Variants in TJP2 observed in about 807,000 individuals in gnomAD.
TJP2 encodes tight junction protein 2, also known as Friedreich ataxia region gene X104 (tight junction protein ZO-2).
TJP2 carries 91 observed loss-of-function variants against 133.1 expected under a neutral mutation model. The ratio of observed to expected loss-of-function variants is 0.68; its 90% confidence interval spans 0.58 to 0.81. The LOEUF (loss-of-function observed/expected upper bound fraction) is 0.81. Ranked by LOEUF, TJP2 falls within the 40% of genes least tolerant of loss-of-function variation. The pLI is 0.00. For missense variants in TJP2, 1,541 were observed against 1,565.6 expected (o/e 0.98, Z 0.26); for synonymous variants, 592 against 583.4 (o/e 1.01, Z -0.21).
intron 1 of TJP2, among the ~76,000 whole-genome samples, chr9:69,130,738 CGAATTGAG>C (rs558825488): frequency 2.5e-3 from 375 of 151,972 alleles, no homozygotes; most frequent in African/African-American, 8.6e-3. Flanking sequence ...GTGCTGAGGA[CGAATTGAG>C]GAATACTGTG....
chr9:69,241,392 G>GATCA (rs1830567470), intron 17 of TJP2, among the ~76,000 whole-genome samples: 3 of 152,164 alleles, frequency 2.0e-5, no homozygotes, highest in Admixed American at 1.3e-4. Context: ...ATAGCTCATT[G>GATCA]AGTTCATTGC....
At chr9:69,217,405 G>T (rs1008208382) in intron 3 of TJP2, among the ~76,000 whole-genome samples, 2 of 152,200 alleles carry the variant, frequency 1.3e-5, no homozygotes, top group African/African-American at 4.8e-5. Context: ...TTTAGGTTTT[G>T]TTGGTGTTTA....
At chr9:69,249,310 C>T (rs1313041709) in intron 19 of TJP2, 65 bp from the exon 20 acceptor site, 3 of 1,553,228 alleles carry the variant, frequency 1.9e-6, no homozygotes, top group Non-Finnish European at 2.6e-6. Flanking sequence ...TCCTCCAAAG[C>T]AGTCGAGTGC....
intron 1 of TJP2, among the ~76,000 whole-genome samples, chr9:69,134,331 A>G (rs1390962416): frequency 6.6e-6 from 1 of 152,216 alleles, no homozygotes; most frequent in African/African-American, 2.4e-5. Context: ...GTAAACATAA[A>G]TATAACAATT....
At chr9:69,230,700 T>C (rs1829707503) in intron 11 of TJP2, among the ~76,000 whole-genome samples, 1 of 152,180 alleles carries the variant, frequency 6.6e-6, no homozygotes, top group Admixed American at 6.5e-5. Context: ...TGGTTCACCC[T>C]GAGACTCAGG....
chr9:69,134,455 G>A (rs1265824919), intron 1 of TJP2, among the ~76,000 whole-genome samples: 2 of 152,220 alleles, frequency 1.3e-5, no homozygotes, highest in African/African-American at 4.8e-5. Context: ...GCTGTTGTCT[G>A]GAGTGTGAGT....
At chr9:69,223,289 C>CTGTTTTGTTT (rs10594219) in intron 5 of TJP2, among the ~76,000 whole-genome samples, 21 of 150,126 alleles carry the variant, frequency 1.4e-4, no homozygotes, top group South Asian at 4.2e-4. Context: ...GGCTTCGTTT[C>CTGTTTTGTTT]TGTTTTGTTT....
chr9:69,249,865 T>A (rs1260753636), intron 20 of TJP2: 16 of 470,648 alleles, frequency 3.4e-5, no homozygotes, highest in Non-Finnish European at 4.4e-5. Flanking sequence ...CTGATTTAGA[T>A]GCACCAGATA....
At chr9:69,226,944 C>G (rs1563933439) in intron 7 of TJP2, among the ~76,000 whole-genome samples, 1 of 152,190 alleles carries the variant, frequency 6.6e-6, no homozygotes, top group Non-Finnish European at 1.5e-5. Flanking sequence ...CACCTCTTCC[C>G]TTTTAAAGAG....
intron 1 of TJP2, chr9:69,205,121 G>C: frequency 6.5e-7 from 1 of 1,536,406 alleles, no homozygotes; most frequent in Non-Finnish European, 8.7e-7. Flanking sequence ...TGAGCAGCCC[G>C]GAATGTAGGC....
Position 69,248,239 on chromosome 9 carries a change from G to T in TJP2, c.2880+15G>T, listed in dbSNP as rs1440961588. The T allele has an allele frequency of 1.3e-5, 20 of 1,574,740 alleles. No homozygotes were observed. The highest frequency in any genetic ancestry group is 3.7e-5 in the Admixed American group (2 of 53,376). On this transcript the variant is annotated intron_variant, in intron 19 of 22. Transcript: ENST00000377245. ...AGCACGAGGAGGTGAGGCGAGGCAGGCCACGGGCAGGAACAGGAGAGCCTG... is the reference window on the plus strand; with the variant it reads ...AGCACGAGGAGGTGAGGCGAGGCAGTCCACGGGCAGGAACAGGAGAGCCTG...
At chr9:69,165,653 AG>A (rs1446401772) in intron 2 of TJP2, among the ~76,000 whole-genome samples, 2 of 152,196 alleles carry the variant, frequency 1.3e-5, no homozygotes, top group Non-Finnish European at 2.9e-5. Context: ...AGGGCTAACA[AG>A]GGGTCTCTAT....
At position 69,137,535 on chromosome 9, in the gene TJP2, G is replaced by A. The variant is rs1822832101; in HGVS notation, c.-130-14116G>A. 3.3e-5 allele frequency among the ~76,000 whole-genome samples: 5 copies of A among 151,406 alleles called. No individual in the cohort carries two copies. In the South Asian group the frequency reaches 1.0e-3, roughly 32 times the overall value. On this transcript the variant is annotated intron_variant, in intron 1 of 5. Transcript: ENST00000423935. ...GCACCACCAGGCCCGGCCAATTTTT[G>A]TATTTTTTTGTTGAGATGGAGTTTT...
chr9:69,147,604 G>T (rs1823269973), intron 1 of TJP2, among the ~76,000 whole-genome samples: 1 of 152,158 alleles, frequency 6.6e-6, no homozygotes, highest in South Asian at 2.1e-4. Context: ...AAGCTCCCAT[G>T]ATTCAGATGT....
At chr9:69,214,865 T>TTAA (rs1828233866) in intron 2 of TJP2, among the ~76,000 whole-genome samples, 1 of 16,550 alleles carries the variant, frequency 6.0e-5, no homozygotes, top group African/African-American at 1.5e-4. Flanking sequence ...AGACTCCATC[T>TTAA]CAAAAAAAAA....
chr9:69,217,156 A>G lies in TJP2; in HGVS notation c.239+693A>G, dbSNP rs564801036. On this transcript the variant is annotated intron_variant, in intron 3 of 22. Coordinates refer to ENST00000377245, the MANE Select transcript of TJP2 (RefSeq NM_004817.4). ...CAGGTGCCTGCCACCACTCCCAGCT[A>G]ATTTTTGTATTTTTAGTAGAGACGG... Among the ~76,000 whole-genome samples, 148 of 151,954 alleles carry G rather than the reference A, an allele frequency of 9.7e-4. 1 individual carries two copies. Among genetic ancestry groups the G allele is most frequent in the African/African-American group, 3.5e-3 (147 of 41,452 alleles).
chr9:69,136,932 C>T (rs1027057465), intron 1 of TJP2, among the ~76,000 whole-genome samples: 1 of 152,094 alleles, frequency 6.6e-6, no homozygotes, highest in Admixed American at 6.5e-5. Flanking sequence ...CTCCTGTCTC[C>T]GAGGAAGCAG....
chr9:69,205,990 A>T (rs2486452), intron 1 of TJP2, among the ~76,000 whole-genome samples: 76,850 of 151,476 alleles, frequency 0.51, 19,990 homozygotes, highest in East Asian at 0.63. Context: ...TAAAAAGATT[A>T]AAAAAAAACA....
At position 69,254,404 on chromosome 9, in the gene TJP2, C is replaced by T. The variant is rs1228234915; in HGVS notation, c.*30C>T. 6 of 1,612,958 alleles carry T rather than the reference C, an allele frequency of 3.7e-6. No individual in the cohort carries two copies. The highest frequency in any genetic ancestry group is 1.7e-5 in the Admixed American group (1 of 59,998). On this transcript the variant is annotated 3_prime_UTR_variant, in exon 23 of 23. Transcript: ENST00000377245. ...CTGAGCACGGACTCTCCCAGGCCTG[C>T]CTGCATGGCATCAGACTAGCCACTC... is the stretch of plus-strand genomic sequence containing the variant.
Sources: allele counts gnomAD v4.1 joint callset (sites outside exome capture counted in the v4.1 genomes callset), GRCh38; gene constraint gnomAD v4.1.1; transcripts MANE v1.5; gene names NCBI Gene and HGNC (gene_info 2026-07-23, HGNC 2026-07-21).